The following RSBN1 variants were observed in gnomAD, a reference collection of about 807,000 sequenced individuals.
RSBN1 encodes round spermatid basic protein 1.
A neutral mutation model predicts 74.8 loss-of-function variants in RSBN1; 23 were observed. That is an observed-to-expected ratio of 0.31 (90% CI 0.22 to 0.44). The LOEUF (loss-of-function observed/expected upper bound fraction) is 0.44, where lower values mean the gene tolerates loss of function less well. Among genes scored for constraint, RSBN1 ranks in the 20% least tolerant of loss-of-function variants. RSBN1 has a pLI of 1.00. For missense variants in RSBN1, 808 were observed against 1,020.9 expected, an observed-to-expected ratio of 0.79 and a Z score of 2.84; for synonymous variants, 407 against 379.6, an observed-to-expected ratio of 1.07 and a Z score of -0.84.
chr1:113,800,064 A>G (rs1397929836), intron 1 of RSBN1, among the ~76,000 whole-genome samples: 2 of 152,322 alleles, frequency 1.3e-5, no homozygotes, highest in East Asian at 3.9e-4. Flanking sequence ...ATATGTAAAT[A>G]TATGACAGTT....
intron 1 of RSBN1, among the ~76,000 whole-genome samples, chr1:113,810,350 G>A (rs1224208817): frequency 6.6e-6 from 1 of 151,542 alleles, no homozygotes; most frequent in African/African-American, 2.4e-5. Flanking sequence ...TTAAGCCAGA[G>A]GATCACTAAT....
chr1:113,799,167 G>A (rs1660530754), intron 1 of RSBN1, among the ~76,000 whole-genome samples: 1 of 152,144 alleles, frequency 6.6e-6, no homozygotes, highest in African/African-American at 2.4e-5. Flanking sequence ...CCTACTAAGT[G>A]CTAGGACCAT....
intron 2 of RSBN1, among the ~76,000 whole-genome samples, chr1:113,780,920 G>A (rs561349905): frequency 1.3e-5 from 2 of 152,274 alleles, no homozygotes; most frequent in South Asian, 4.1e-4. Flanking sequence ...TTACTTACAT[G>A]AAATTAGACC....
chr1:113,768,765 C>T (rs1659832542), intron 4 of RSBN1, among the ~76,000 whole-genome samples: 1 of 149,720 alleles, frequency 6.7e-6, no homozygotes, highest in Non-Finnish European at 1.5e-5. Context: ...TAACAAAACT[C>T]TGGATGGAAA....
intron 4 of RSBN1, among the ~76,000 whole-genome samples, chr1:113,775,012 T>C (rs535576319): frequency 6.6e-6 from 1 of 152,114 alleles, no homozygotes; most frequent in African/African-American, 2.4e-5. Flanking sequence ...TTAATATGCC[T>C]AAATGGTGGC....
chr1:113,803,421 T>G (rs1660630134), intron 1 of RSBN1, among the ~76,000 whole-genome samples: 1 of 152,236 alleles, frequency 6.6e-6, no homozygotes, highest in African/African-American at 2.4e-5. Context: ...ACTGCCAAAC[T>G]GTCTTCCAAA....
intron 1 of RSBN1, among the ~76,000 whole-genome samples, chr1:113,810,681 A>G (rs889075981): frequency 3.3e-5 from 5 of 152,214 alleles, no homozygotes; most frequent in African/African-American, 1.2e-4. Context: ...AAGACTCACA[A>G]AACTTTAGGT....
At chr1:113,788,100 G>T (rs550933996) in intron 2 of RSBN1, among the ~76,000 whole-genome samples, 1 of 152,132 alleles carries the variant, frequency 6.6e-6, no homozygotes, top group Non-Finnish European at 1.5e-5. Context: ...CAGAGAACAA[G>T]AACAAGCTCT....
At chr1:113,799,414 G>C (rs1196014160) in intron 1 of RSBN1, among the ~76,000 whole-genome samples, 1 of 152,150 alleles carries the variant, frequency 6.6e-6, no homozygotes, top group Non-Finnish European at 1.5e-5. Flanking sequence ...GATGCATTAA[G>C]TTTGGGGGAA....
intron 3 of RSBN1, 144 bp from the exon 4 acceptor site, chr1:113,777,496 A>T (rs1379108378): frequency 3.2e-6 from 3 of 939,100 alleles, no homozygotes; most frequent in Admixed American, 3.1e-5. Flanking sequence ...AATTTATATT[A>T]AAAAGAATAA....
chr1:113,800,938 T>C (rs1660571837), intron 1 of RSBN1, among the ~76,000 whole-genome samples: 1 of 151,526 alleles, frequency 6.6e-6, no homozygotes, highest in Non-Finnish European at 1.5e-5. Flanking sequence ...AAATTTTAAA[T>C]ATGAAGTAAA....
intron 2 of RSBN1, among the ~76,000 whole-genome samples, chr1:113,782,206 A>G (rs1310761191): frequency 2.0e-5 from 3 of 152,184 alleles, no homozygotes; most frequent in Non-Finnish European, 2.9e-5. Flanking sequence ...TACAACTCCT[A>G]TATTTCCTTG....
chr1:113,799,015 C>T (rs1306446637), intron 1 of RSBN1, among the ~76,000 whole-genome samples: 2 of 152,164 alleles, frequency 1.3e-5, no homozygotes, highest in Non-Finnish European at 2.9e-5. Context: ...GTGTTATTAA[C>T]ATTTCATTTT....
chr1:113,766,080 T>G lies in RSBN1; in HGVS notation c.2309A>C (p.Gln770Pro). ...TGGAATAGGCTGAGTCTTCTGATCT[T>G]GCTGTAGATTAAGTTCTGATGCAGG... ...FPPASELNLQ[Q>P]DQKTQPIPVL... Residue 770 changes from glutamine (Q) to proline (P), a missense_variant, in exon 7 of 7, where the codon CAA becomes CCA. By Grantham distance (76) the Gln-to-Pro change is moderately conservative. Transcript: ENST00000261441. The G allele has an allele frequency of 6.2e-7, 1 of 1,614,142 alleles. No individual in the cohort carries two copies. The highest frequency in any genetic ancestry group is 8.5e-7 in the Non-Finnish European group (1 of 1,179,964).
intron 2 of RSBN1, among the ~76,000 whole-genome samples, chr1:113,780,719 A>G (rs1660122793): frequency 6.6e-6 from 1 of 152,228 alleles, no homozygotes. Flanking sequence ...TCCATGAGTG[A>G]CAAAGAATTA....
At chr1:113,790,808 T>C (rs1428729819) in intron 2 of RSBN1, among the ~76,000 whole-genome samples, 1 of 152,182 alleles carries the variant, frequency 6.6e-6, no homozygotes, top group Non-Finnish European at 1.5e-5. Context: ...CAGTGTTTCT[T>C]AAACTTGCCT....
At chr1:113,810,839 T>C (rs1359017251) in intron 1 of RSBN1, among the ~76,000 whole-genome samples, 1 of 152,202 alleles carries the variant, frequency 6.6e-6, no homozygotes, top group Non-Finnish European at 1.5e-5. Flanking sequence ...AAGCATCACA[T>C]TTCTTCCACA....
rs1659773517 is a variant in RSBN1, at chr1:113,766,058, A to G, written c.2331T>C (p.Ile777=). 6.2e-7 allele frequency: 1 copy of G among 1,613,972 alleles called. No homozygotes were observed. The highest frequency in any genetic ancestry group is 8.5e-7 in the Non-Finnish European group (1 of 1,179,960). The stretch of plus-strand genomic sequence containing the variant: ...GTCTACTTTCCACTTTTAAAACTGG[A>G]ATAGGCTGAGTCTTCTGATCTTGCT... ...NLQQDQKTQP[I]PVLKVESRLD... The change falls in exon 7 of 7, where the codon ATT becomes ATC. Residue 777 remains isoleucine, a synonymous_variant. Transcript: ENST00000261441.
intron 2 of RSBN1, among the ~76,000 whole-genome samples, chr1:113,786,769 A>G (rs904904666): frequency 6.6e-6 from 1 of 152,120 alleles, no homozygotes; most frequent in Admixed American, 6.6e-5. Flanking sequence ...CCAGGAGTTC[A>G]AGACCAGCCT....
Sources: allele counts gnomAD v4.1 joint callset (sites outside exome capture counted in the v4.1 genomes callset), GRCh38; gene constraint gnomAD v4.1.1; transcripts MANE v1.5; gene names NCBI Gene and HGNC (gene_info 2026-07-23, HGNC 2026-07-21).